Variants in SH3TC1 observed in about 807,000 individuals in gnomAD.
SH3TC1 encodes SH3 domain and tetratricopeptide repeat-containing protein 1.
SH3TC1 carries 135 observed loss-of-function variants against 117.3 expected under a neutral mutation model. The ratio of observed to expected loss-of-function variants is 1.15; its 90% confidence interval spans 1.00 to 1.33. The LOEUF (loss-of-function observed/expected upper bound fraction) is 1.33, where lower values mean the gene tolerates loss of function less well. Among genes scored for constraint, SH3TC1 ranks in the 40% most tolerant of loss-of-function variants. SH3TC1 has a pLI of 0.00. For missense variants in SH3TC1, 2,092 were observed against 1,794.3 expected, an observed-to-expected ratio of 1.17 and a Z score of -3.00; for synonymous variants, 898 against 816.9, an observed-to-expected ratio of 1.10 and a Z score of -1.69.
intron 15 of SH3TC1, 89 bp from the exon 16 acceptor site, chr4:8,236,189 G>T: frequency 7.0e-7 from 1 of 1,419,402 alleles, no homozygotes. Flanking sequence ...TGGGGCGTGG[G>T]AAGCTCCGAG....
chr4:8,220,565 C>A (rs1297014632), intron 9 of SH3TC1, among the ~76,000 whole-genome samples: 1 of 152,192 alleles, frequency 6.6e-6, no homozygotes, highest in African/African-American at 2.4e-5. Context: ...TGTGCCCATC[C>A]TTTGATGGAA....
chr4:8,233,311 C>A (rs1721416768), intron 13 of SH3TC1, 52 bp from the exon 14 acceptor site: 1 of 1,551,090 alleles, frequency 6.4e-7, no homozygotes, highest in Non-Finnish European at 8.7e-7. Context: ...AGGAGGCAGA[C>A]TGGTTCCAGG....
Position 8,205,647 on chromosome 4 carries a change from C to A in SH3TC1, c.172+281C>A, listed in dbSNP as rs763550252. Reference sequence around the variant, plus strand: ...AAAGAACGAGGCAGGGGCCTTTGAACCCCCATGTTCAGAGACCGTTCCAGA... The same window carrying A: ...AAAGAACGAGGCAGGGGCCTTTGAAACCCCATGTTCAGAGACCGTTCCAGA... On this transcript the variant is annotated intron_variant, in intron 2 of 17. Transcript: ENST00000245105. The surrounding 1 kb of genome is among the most constrained non-coding windows in gnomAD (Gnocchi z 5.4). 38 of 764,822 alleles carry A rather than the reference C, an allele frequency of 5.0e-5. No individual in the cohort carries two copies. Among genetic ancestry groups the A allele is most frequent in the Non-Finnish European group, 7.7e-5 (32 of 418,222 alleles). 47.4% of individuals were successfully genotyped at this position (764,822 alleles called of 1,614,324 possible). A position where few individuals can be genotyped will look rare whatever the true frequency, so the allele number is the denominator to read the frequency against.
rs1308497589 is a variant in SH3TC1 at position 8,212,786 on chromosome 4, C to T, written c.333C>T (p.Arg111=). ...AGCAGACCCTCCGGGGCCAGCTCCGCCTGCTGGAGAATGATAGCCGGGAGA... is the reference window on the plus strand; with the variant it reads ...AGCAGACCCTCCGGGGCCAGCTCCGTCTGCTGGAGAATGATAGCCGGGAGA... ...GLQQTLRGQL[R]LLENDSREMA... is the part of the protein sequence containing the mutation. The change falls in exon 4 of 18, where the codon CGC becomes CGT. Residue 111 remains arginine, a synonymous_variant. Transcript: ENST00000245105. The T allele has an allele frequency of 6.2e-7, 1 of 1,608,648 alleles. No individual in the cohort carries two copies. The highest frequency in any genetic ancestry group is 1.3e-5 in the African/African-American group (1 of 74,874).
At chr4:8,240,176 G>T (rs1722205552) in intron 17 of SH3TC1, among the ~76,000 whole-genome samples, 1 of 152,204 alleles carries the variant, frequency 6.6e-6, no homozygotes, top group African/African-American at 2.4e-5. Context: ...TTGAGCCACA[G>T]ATGCATTGAA....
chr4:8,240,895 C>CCTGCCTCCT lies in SH3TC1; in HGVS notation c.3957_3965dup (p.Pro1320_Pro1322dup). The CCTGCCTCCT allele has an allele frequency of 6.2e-7, 1 of 1,613,152 alleles. No homozygotes were observed. Among genetic ancestry groups the CCTGCCTCCT allele is most frequent in the Non-Finnish European group, 8.5e-7 (1 of 1,180,034 alleles). On this transcript the variant is annotated inframe_insertion, in exon 18 of 18. Coordinates refer to ENST00000245105, the MANE Select transcript of SH3TC1 (RefSeq NM_018986.5). ...CAGAGCTCAACGTCCGCAGGGTCAA[C>CCTGCCTCCT]CTGCCTCCTCTGCCACTCTGCGGGT...
At chr4:8,224,074 T>A (rs1720221948) in intron 10 of SH3TC1, among the ~76,000 whole-genome samples, 1 of 152,078 alleles carries the variant, frequency 6.6e-6, no homozygotes, top group Non-Finnish European at 1.5e-5. Context: ...CATGCAGACA[T>A]GTGTGCACAT....
chr4:8,231,902 C>T (rs941900292), intron 12 of SH3TC1, 74 bp from the exon 13 acceptor site: 6 of 1,549,596 alleles, frequency 3.9e-6, no homozygotes, highest in Non-Finnish European at 5.2e-6. Context: ...AAGCACACCG[C>T]AGGGGCCTCT....
rs747048381 is a variant in SH3TC1 at position 8,227,404 on chromosome 4, C to T, written c.1710C>T (p.Cys570=). The stretch of plus-strand genomic sequence containing the variant: ...TCTGCTTCCTCCTGGGGCGGCTGTG[C>T]AGCAGGAGGCTCAAGCTGTCCCAGG... ...ARLCFLLGRL[C]SRRLKLSQAR... The change falls in exon 12 of 18, where the codon TGC becomes TGT. Residue 570 remains cysteine, a synonymous_variant. Transcript: ENST00000245105. 49 of 1,549,008 alleles carry T rather than the reference C, an allele frequency of 3.2e-5. No individual in the cohort carries two copies. The highest frequency in any genetic ancestry group is 3.1e-4 in the South Asian group (25 of 80,596).
In SH3TC1 at chr4:8,203,277, CGTGT is replaced by C. The variant is rs112785929; in HGVS notation, c.-28-1872_-28-1869del. On this transcript the variant is annotated intron_variant, in intron 1 of 17. Coordinates refer to ENST00000245105, the MANE Select transcript of SH3TC1 (RefSeq NM_018986.5). ...CTTTGGTCTGACAGGTGTGCGGGTG[CGTGT>C]GTGTGTGTGTGTGTGTGCTTGCACA... 2.5e-4 allele frequency among the ~76,000 whole-genome samples: 37 copies of C among 150,154 alleles called. No homozygotes were observed. In the South Asian group the frequency reaches 3.8e-3, roughly 15 times the overall value.
intron 1 of SH3TC1, among the ~76,000 whole-genome samples, chr4:8,201,212 T>G (rs1384540888): frequency 6.6e-6 from 1 of 152,150 alleles, no homozygotes; most frequent in African/African-American, 2.4e-5. Context: ...CCCTTCTTCT[T>G]CCAACCCACA....
chr4:8,212,727 C>A lies in SH3TC1; in HGVS notation c.274C>A (p.Arg92=), dbSNP rs547880929. 3 of 1,612,812 alleles carry A rather than the reference C, an allele frequency of 1.9e-6. No individual in the cohort carries two copies. In the Admixed American group the frequency reaches 5.0e-5, roughly 27 times the overall value. The part of the protein sequence containing the change: ...TDLTLQLLAV[R]RKSRLRDPGL... ...CCTGACCCTGCAGCTGCTGGCTGTG[C>A]GGAGGAAGAGCAGACTGCGGGACCC... The change falls in exon 4 of 18, where the codon CGG becomes AGG. Residue 92 remains arginine (R), a synonymous_variant. Coordinates refer to ENST00000245105, the MANE Select transcript of SH3TC1 (RefSeq NM_018986.5).
chr4:8,193,503 C>A (rs887944604), intron 1 of SH3TC1, among the ~76,000 whole-genome samples: 1 of 152,228 alleles, frequency 6.6e-6, no homozygotes, highest in Non-Finnish European at 1.5e-5. Flanking sequence ...CCCTCCAAGT[C>A]TCAGCCCAGA....
upstream of SH3TC1, among the ~76,000 whole-genome samples, chr4:8,198,546 C>T (rs1428343547): frequency 6.6e-6 from 1 of 152,234 alleles, no homozygotes; most frequent in African/African-American, 2.4e-5. Context: ...TGAGCCCAGG[C>T]CAGGCTTCCT....
chr4:8,191,151 A>C (rs1165680868), intron 1 of SH3TC1, among the ~76,000 whole-genome samples: 1 of 152,178 alleles, frequency 6.6e-6, no homozygotes, highest in Non-Finnish European at 1.5e-5. Flanking sequence ...CCCCCAGATG[A>C]GGAGCACTGT....
chr4:8,240,912 T>G lies in SH3TC1; in HGVS notation c.3968T>G (p.Leu1323Arg). Residue 1323 changes from leucine (L) to arginine (R), a missense_variant, in exon 18 of 18, where the codon CTC becomes CGC. Physicochemically the swap from Leu to Arg is moderately radical, Grantham distance 102. Transcript: ENST00000245105. ...AGGGTCAACCTGCCTCCTCTGCCAC[T>G]CTGCGGGTGGGCCCCCTGGTTGGCC... Reference protein sequence around the residue: ...VRRVNLPPLPLCGWAPWLAPS... With the variant: ...VRRVNLPPLPRCGWAPWLAPS... 1 of 1,612,718 alleles carries G rather than the reference T, an allele frequency of 6.2e-7. No individual in the cohort carries two copies. The highest frequency in any genetic ancestry group is 2.2e-5 in the East Asian group (1 of 44,868).
Position 8,205,816 on chromosome 4 carries a change from C to T in SH3TC1, c.172+450C>T, listed in dbSNP as rs1409157568. The T allele has an allele frequency of 8.3e-6, 5 of 598,890 alleles. No homozygotes were observed. Among genetic ancestry groups the T allele is most frequent in the African/African-American group, 3.7e-5 (2 of 53,866 alleles). 37.1% of individuals were successfully genotyped at this position (598,890 alleles called of 1,614,324 possible). On this transcript the variant is annotated intron_variant, in intron 2 of 17. Coordinates refer to ENST00000245105, the MANE Select transcript of SH3TC1 (RefSeq NM_018986.5). The surrounding 1 kb of genome is among the most constrained non-coding windows in gnomAD (Gnocchi z 5.4). ...CAGGGGCCGGGCCAGGACGTGTGCC[C>T]AGTTTCCTGAATTCCCGGGAGACCT...
At position 8,227,333 on chromosome 4, in the gene SH3TC1, C is replaced by G; in HGVS notation, c.1639C>G (p.Arg547Gly). 6.2e-7 allele frequency: 1 copy of G among 1,605,334 alleles called. No individual in the cohort carries two copies. The highest frequency in any genetic ancestry group is 8.5e-7 in the Non-Finnish European group (1 of 1,176,580). Residue 547 changes from arginine (R) to glycine (G), a missense_variant, in exon 12 of 18, where the codon CGG becomes GGG. Coordinates refer to ENST00000245105, the MANE Select transcript of SH3TC1 (RefSeq NM_018986.5). ...EELTGRLAQA[R>G]GAAKKAGLLM... ...GCTGACTGGGCGCCTGGCACAGGCC[C>G]GGGGGGCGGCCAAGAAAGCTGGCCT...
At chr4:8,236,092 C>A in intron 15 of SH3TC1, 186 bp from the exon 16 acceptor site, 1 of 710,286 alleles carries the variant, frequency 1.4e-6, no homozygotes, top group Non-Finnish European at 2.2e-6. Context: ...GCTGGATGGG[C>A]CTCAGGTGAC....
Sources: allele counts gnomAD v4.1 joint callset (sites outside exome capture counted in the v4.1 genomes callset), GRCh38; gene constraint gnomAD v4.1.1; non-coding constraint Gnocchi (gnomAD v3.1); transcripts MANE v1.5; gene names NCBI Gene and HGNC (gene_info 2026-07-23, HGNC 2026-07-21).